ZNF804A: variants seen among roughly 807,000 people sequenced by gnomAD.
ZNF804A encodes the protein zinc finger protein 804A.
ZNF804A carries 2 observed loss-of-function variants against 16.5 expected under a neutral mutation model. The observed-to-expected ratio is 0.12, with a 90% confidence interval of 0.05 to 0.38. ZNF804A has a LOEUF of 0.38. ZNF804A is among the 10% of genes least tolerant of loss of function. ZNF804A has a pLI of 0.99. For missense variants in ZNF804A, 1,473 were observed against 1,390.7 expected (o/e 1.06, Z -0.94); for synonymous variants, 534 against 489.6 (o/e 1.09, Z -1.20).
Position 184,937,492 on chromosome 2 carries a change from T to A in ZNF804A, c.2096T>A (p.Leu699His), listed in dbSNP as rs1444849639. The change falls in exon 4 of 4, where the codon CTT (leucine) becomes CAT (histidine). Residue 699 changes from leucine (L) to histidine (H), a missense_variant. Coordinates refer to ENST00000302277, the MANE Select transcript of ZNF804A (RefSeq NM_194250.2). ...AACCACTGTAAAAAGAACACAATACTTTTAAATGGACAATCAAATGCAACA... is the reference window on the plus strand; with the variant it reads ...AACCACTGTAAAAAGAACACAATACATTTAAATGGACAATCAAATGCAACA... ...SKNHCKKNTILLNGQSNATMI... is the reference protein window; with the variant it reads ...SKNHCKKNTIHLNGQSNATMI... 6.2e-7 allele frequency: 1 copy of A among 1,612,312 alleles called. No homozygotes were observed. Among genetic ancestry groups the A allele is most frequent in the Admixed American group, 1.7e-5 (1 of 59,608 alleles).
chr2:184,647,330 A>T (rs1429926449), intron 1 of ZNF804A, among the ~76,000 whole-genome samples: 1 of 152,262 alleles, frequency 6.6e-6, no homozygotes, highest in East Asian at 1.9e-4. Context: ...TTCTGGCACC[A>T]TAAAAACTCT....
rs1574240370 is a variant in ZNF804A, at chr2:184,849,805, G to A, written c.112-16564G>A. 2.6e-5 allele frequency among the ~76,000 whole-genome samples: 4 copies of A among 152,080 alleles called. No individual in the cohort carries two copies. In the South Asian group the frequency reaches 8.3e-4, roughly 32 times the overall value. On this transcript the variant is annotated intron_variant, in intron 1 of 3. Coordinates refer to ENST00000302277, the MANE Select transcript of ZNF804A (RefSeq NM_194250.2). ...TCACTATTCACAATAGCAAAGGTTTGGAATCAACTTAAGTGTCCATCAACA... is the reference window on the plus strand; with the variant it reads ...TCACTATTCACAATAGCAAAGGTTTAGAATCAACTTAAGTGTCCATCAACA...
chr2:184,610,365 T>C (rs1216098911), intron 1 of ZNF804A, among the ~76,000 whole-genome samples: 1 of 152,218 alleles, frequency 6.6e-6, no homozygotes, highest in Non-Finnish European at 1.5e-5. Context: ...GCAAATACTT[T>C]AGAAAAAGTC....
chr2:184,693,862 C>T (rs577495981), intron 1 of ZNF804A, among the ~76,000 whole-genome samples: 3 of 150,926 alleles, frequency 2.0e-5, no homozygotes, highest in Non-Finnish European at 4.4e-5. Context: ...ATTTAAAAAA[C>T]CTAATCTCAT....
chr2:184,782,119 T>C (rs1694380328), intron 1 of ZNF804A, among the ~76,000 whole-genome samples: 1 of 151,812 alleles, frequency 6.6e-6, no homozygotes, highest in Non-Finnish European at 1.5e-5. Context: ...GAGGGCCTTA[T>C]CTTCAAATAC....
chr2:184,773,357 C>T (rs1020726704), intron 1 of ZNF804A, among the ~76,000 whole-genome samples: 10 of 151,648 alleles, frequency 6.6e-5, no homozygotes, highest in Non-Finnish European at 1.3e-4. Context: ...AGTGGAAATC[C>T]TGGAGAATCA....
At chr2:184,871,401 A>T (rs1695971862) in intron 2 of ZNF804A, among the ~76,000 whole-genome samples, 1 of 148,316 alleles carries the variant, frequency 6.7e-6, no homozygotes, top group Admixed American at 6.8e-5. Flanking sequence ...ACTGAAACAT[A>T]GAAATTACTC....
chr2:184,628,090 G>A (rs560976765), intron 1 of ZNF804A, among the ~76,000 whole-genome samples: 10 of 152,220 alleles, frequency 6.6e-5, no homozygotes, highest in South Asian at 2.1e-4. Flanking sequence ...CGAGGCGGGC[G>A]GATCACCTCA....
At chr2:184,772,993 G>GGT (rs921212178) in intron 1 of ZNF804A, among the ~76,000 whole-genome samples, 37 of 141,952 alleles carry the variant, frequency 2.6e-4, no homozygotes, top group Non-Finnish European at 1.2e-4. Flanking sequence ...GTGTGTGTGG[G>GGT]GTGTGTGTGT....
At position 184,914,446 on chromosome 2, in the gene ZNF804A, G is replaced by T. The variant is rs564414707; in HGVS notation, c.256-19157G>T. Among the ~76,000 whole-genome samples, 3 of 152,220 alleles carry T rather than the reference G, an allele frequency of 2.0e-5. No homozygotes were observed. The South Asian group carries it at 6.2e-4, about 32-fold the overall frequency. ...TGTATTTAGGAAAATCCCAGTTATG[G>T]CTTCCCACCAAATAATAAATTCTTC... On this transcript the variant is annotated intron_variant, in intron 2 of 3. Transcript: ENST00000302277.
At chr2:184,811,526 G>A (rs184189133) in intron 1 of ZNF804A, among the ~76,000 whole-genome samples, 172 of 151,936 alleles carry the variant, frequency 1.1e-3, no homozygotes, top group Non-Finnish European at 1.8e-3. Context: ...AAAAATACAC[G>A]CATTATAGTA....
chr2:184,630,448 T>C (rs1048663688), intron 1 of ZNF804A, among the ~76,000 whole-genome samples: 2 of 152,106 alleles, frequency 1.3e-5, no homozygotes, highest in East Asian at 3.9e-4. Context: ...CCAAACACTT[T>C]CTCCTAACCT....
chr2:184,644,871 C>T (rs1691848239), intron 1 of ZNF804A, among the ~76,000 whole-genome samples: 1 of 151,990 alleles, frequency 6.6e-6, no homozygotes, highest in Admixed American at 6.6e-5. Flanking sequence ...TATTGTACCA[C>T]ACTGGGGCAG....
intron 1 of ZNF804A, among the ~76,000 whole-genome samples, chr2:184,859,360 TGTTGTG>T (rs1308369683): frequency 6.6e-6 from 1 of 152,098 alleles, no homozygotes; most frequent in Non-Finnish European, 1.5e-5. Flanking sequence ...AGATTTTCTT[TGTTGTG>T]GTAAATTCTG....
At chr2:184,814,061 C>T (rs1278073359) in intron 1 of ZNF804A, among the ~76,000 whole-genome samples, 2 of 116,796 alleles carry the variant, frequency 1.7e-5, no homozygotes, top group Non-Finnish European at 3.3e-5. Context: ...TAAAATAGTA[C>T]CAAAGCATAG....
intron 1 of ZNF804A, among the ~76,000 whole-genome samples, chr2:184,648,078 G>C (rs1475421143): frequency 6.6e-6 from 1 of 152,024 alleles, no homozygotes; most frequent in African/African-American, 2.4e-5. Flanking sequence ...ATTTGCACAT[G>C]TCCCCTAGAA....
chr2:184,672,619 A>G (rs1433015070), intron 1 of ZNF804A, among the ~76,000 whole-genome samples: 1 of 152,150 alleles, frequency 6.6e-6, no homozygotes, highest in Non-Finnish European at 1.5e-5. Context: ...AATTTATTAC[A>G]TTTACTTTTT....
intron 1 of ZNF804A, among the ~76,000 whole-genome samples, chr2:184,768,071 G>A (rs191726893): frequency 6.6e-6 from 1 of 152,102 alleles, no homozygotes; most frequent in East Asian, 1.9e-4. Flanking sequence ...CTCACCAGCA[G>A]ATTCAACCAA....
At position 184,678,644 on chromosome 2, in the gene ZNF804A, T is replaced by C. The variant is rs1027487735; in HGVS notation, c.111+79574T>C. Among the ~76,000 whole-genome samples, 6 of 152,250 alleles carry C rather than the reference T, an allele frequency of 3.9e-5. 1 individual carries two copies. The highest frequency in any genetic ancestry group is 1.4e-4 in the African/African-American group (6 of 41,552). On this transcript the variant is annotated intron_variant, in intron 1 of 3. Coordinates refer to ENST00000302277, the MANE Select transcript of ZNF804A (RefSeq NM_194250.2). ...AAAGCATTTGCATTGCTTTTCTTGA[T>C]TTAAGCCTACAATTACCAAATAATA...
Sources: gnomAD v4.1 joint callset for allele counts (sites outside exome capture counted in the v4.1 genomes callset) on GRCh38, gnomAD v4.1.1 for gene constraint, MANE v1.5 for transcripts, NCBI Gene and HGNC (gene_info 2026-07-23, HGNC 2026-07-21) for gene names.